Variants in CNTN4 observed in about 807,000 individuals in gnomAD.
The protein encoded by CNTN4 is contactin-4.
A neutral mutation model predicts 122.5 loss-of-function variants in CNTN4; 77 were observed. That is an observed-to-expected ratio of 0.63 (90% CI 0.52 to 0.76). CNTN4 has a LOEUF of 0.76. Ranked by LOEUF, CNTN4 falls within the 30% of genes least tolerant of loss-of-function variation. The pLI is 0.00. For synonymous variants in CNTN4, 512 were observed against 447.0 expected (o/e 1.15, Z -1.83); for missense variants, 1,256 against 1,259.1 (o/e 1.00, Z 0.04).
At chr3:2,459,141 T>G (rs142183680) in intron 3 of CNTN4, among the ~76,000 whole-genome samples, 53 of 152,266 alleles carry the variant, frequency 3.5e-4, no homozygotes, top group Non-Finnish European at 6.3e-4. Flanking sequence ...CTCAGCAGAT[T>G]CCTAAATGAT....
At position 2,669,803 on chromosome 3, in the gene CNTN4, C is replaced by T. The variant is rs1442618271; in HGVS notation, c.56-66412C>T. ...TTCTGGTATGTTGTGTCTTTGTTCT[C>T]CTTGGTTTCCAAGAACATCTTTATT... On this transcript the variant is annotated intron_variant, in intron 4 of 24. Coordinates refer to ENST00000418658, the MANE Select transcript of CNTN4 (RefSeq NM_175607.3). 2.6e-5 allele frequency among the ~76,000 whole-genome samples: 4 copies of T among 152,278 alleles called. No individual in the cohort carries two copies. In the South Asian group the frequency reaches 6.2e-4, roughly 24 times the overall value.
intron 4 of CNTN4, among the ~76,000 whole-genome samples, chr3:2,650,184 A>G (rs1416419440): frequency 1.3e-5 from 2 of 151,704 alleles, no homozygotes; most frequent in African/African-American, 4.8e-5. Flanking sequence ...ATTGATTCCA[A>G]CCCTCACGGA....
chr3:2,281,705 G>A (rs900618669), intron 2 of CNTN4, among the ~76,000 whole-genome samples: 2 of 152,000 alleles, frequency 1.3e-5, no homozygotes, highest in South Asian at 2.1e-4. Context: ...TTTTGGTATT[G>A]CTAGGTGTTT....
Position 2,153,830 on chromosome 3 carries a change from T to C in CNTN4, c.-145+53191T>C, listed in dbSNP as rs933111070. Among the ~76,000 whole-genome samples the C allele has an allele frequency of 8.5e-5, 13 of 152,204 alleles. 1 individual carries two copies. The highest frequency in any genetic ancestry group is 3.4e-3 in the Middle Eastern group (1 of 294). ...GGCTTCAGCTGTAGCCCTGGAAATG[T>C]GGAAAGTCATGTGTAAATTTCACAT... On this transcript the variant is annotated intron_variant, in intron 2 of 24. Coordinates refer to ENST00000418658, the MANE Select transcript of CNTN4 (RefSeq NM_175607.3).
intron 8 of CNTN4, among the ~76,000 whole-genome samples, chr3:2,880,961 A>G (rs1193228735): frequency 6.6e-6 from 1 of 152,230 alleles, no homozygotes; most frequent in Non-Finnish European, 1.5e-5. Flanking sequence ...CCAGGAGGAA[A>G]TTAATACCCA....
chr3:2,136,101 G>A (rs2125306552), intron 2 of CNTN4, among the ~76,000 whole-genome samples: 1 of 152,314 alleles, frequency 6.6e-6, no homozygotes, highest in African/African-American at 2.4e-5. Flanking sequence ...ATCTGCTGAT[G>A]TTAATTCTGA....
chr3:2,169,553 CCG>C (rs2036359364), intron 2 of CNTN4, among the ~76,000 whole-genome samples: 1 of 34,758 alleles, frequency 2.9e-5, no homozygotes, highest in Non-Finnish European at 6.7e-5. Context: ...ACTACAGGCG[CCG>C]CCACCACGCC....
intron 14 of CNTN4, among the ~76,000 whole-genome samples, chr3:3,019,340 T>C (rs1698058797): frequency 6.6e-6 from 1 of 152,172 alleles, no homozygotes. Flanking sequence ...AGTCTCACTC[T>C]GTTGCCCAGG....
chr3:2,735,947 G>A (rs560001457), intron 4 of CNTN4: 72 of 575,356 alleles, frequency 1.3e-4, no homozygotes, highest in South Asian at 9.7e-4. Flanking sequence ...AAGAGAGAAA[G>A]GGAGACGTCA....
intron 6 of CNTN4, among the ~76,000 whole-genome samples, chr3:2,801,103 A>AAGTTCCACAAGGGC (rs75783361): frequency 0.053 from 8,057 of 152,240 alleles, 253 homozygotes; most frequent in Non-Finnish European, 0.07. Context: ...GATCAGATGT[A>AAGTTCCACAAGGGC]AGTTCCACAA....
At chr3:2,506,058 T>C (rs1337606727) in intron 3 of CNTN4, among the ~76,000 whole-genome samples, 2 of 152,032 alleles carry the variant, frequency 1.3e-5, no homozygotes, top group African/African-American at 2.4e-5. Context: ...TTAACAAATA[T>C]AGAACATTTT....
At chr3:2,840,503 A>C (rs924349067) in intron 7 of CNTN4, among the ~76,000 whole-genome samples, 11 of 136,560 alleles carry the variant, frequency 8.1e-5, no homozygotes, top group Admixed American at 8.0e-5. Flanking sequence ...GATCGAGACC[A>C]TCCTGGCTAA....
chr3:2,840,793 G>GT (rs2093349863), intron 7 of CNTN4, among the ~76,000 whole-genome samples: 1 of 152,086 alleles, frequency 6.6e-6, no homozygotes, highest in South Asian at 2.1e-4. Context: ...GACTACTGGA[G>GT]TAAGAATACT....
intron 3 of CNTN4, among the ~76,000 whole-genome samples, chr3:2,343,732 G>T (rs2044293504): frequency 6.6e-6 from 1 of 152,174 alleles, no homozygotes; most frequent in Non-Finnish European, 1.5e-5. Flanking sequence ...ACAACTCATA[G>T]TCAAGACCCT....
chr3:2,828,693 T>C (rs1306382990), intron 7 of CNTN4, among the ~76,000 whole-genome samples: 6 of 152,170 alleles, frequency 3.9e-5, no homozygotes, highest in African/African-American at 9.7e-5. Context: ...TTAATCAACA[T>C]CATAGACTAC....
chr3:2,548,141 T>C (rs987043884), intron 3 of CNTN4, among the ~76,000 whole-genome samples: 2 of 152,204 alleles, frequency 1.3e-5, no homozygotes, highest in Non-Finnish European at 2.9e-5. Context: ...TTCACCTTGA[T>C]GATAGTTTCA....
intron 7 of CNTN4, among the ~76,000 whole-genome samples, chr3:2,823,431 C>T (rs2092919834): frequency 6.6e-6 from 1 of 152,192 alleles, no homozygotes. Context: ...CAGGTATTTC[C>T]AGCACTCTAC....
chr3:2,927,410 C>T (rs1056097691), intron 13 of CNTN4: 2 of 439,232 alleles, frequency 4.6e-6, no homozygotes, highest in Non-Finnish European at 9.1e-6. Context: ...TGCATGGGTT[C>T]TTAAAGCCTC....
At chr3:2,362,461 T>C in intron 3 of CNTN4, 2 of 441,304 alleles carry the variant, frequency 4.5e-6, no homozygotes, top group Non-Finnish European at 9.0e-6. Flanking sequence ...CTACATCCTA[T>C]ATGAGGACTA....
Sources: allele counts gnomAD v4.1 joint callset (sites outside exome capture counted in the v4.1 genomes callset), GRCh38; gene constraint gnomAD v4.1.1; transcripts MANE v1.5; gene names NCBI Gene and HGNC (gene_info 2026-07-23, HGNC 2026-07-21).